DLGAP2: variants seen among roughly 807,000 people sequenced by gnomAD.
DLGAP2 encodes the protein disks large-associated protein 2.
DLGAP2 carries 26 observed loss-of-function variants against 100.3 expected under a neutral mutation model. That is an observed-to-expected ratio of 0.26 (90% CI 0.19 to 0.36). The LOEUF (loss-of-function observed/expected upper bound fraction) is 0.36. Ranked by LOEUF, DLGAP2 falls within the 10% of genes least tolerant of loss-of-function variation. DLGAP2 has a pLI of 1.00. For synonymous variants in DLGAP2, 886 were observed against 630.1 expected (o/e 1.41, Z -6.08); for missense variants, 1,858 against 1,453.2 (o/e 1.28, Z -4.53).
intron 1 of DLGAP2, among the ~76,000 whole-genome samples, chr8:830,252 A>T (rs2132700081): frequency 1.3e-5 from 2 of 152,362 alleles, no homozygotes; most frequent in Middle Eastern, 6.8e-3. Context: ...TAATCACATC[A>T]GGGTCAGTGG....
intron 2 of DLGAP2, among the ~76,000 whole-genome samples, chr8:1,248,963 G>T (rs1206480617): frequency 6.6e-6 from 1 of 152,138 alleles, no homozygotes; most frequent in African/African-American, 2.4e-5. Context: ...GGCTGTGAAG[G>T]CTGAGCTCAG....
At chr8:838,690 C>G (rs896619185) in intron 1 of DLGAP2, among the ~76,000 whole-genome samples, 1 of 152,052 alleles carries the variant, frequency 6.6e-6, no homozygotes, top group East Asian at 1.9e-4. Context: ...TGCAATTAAA[C>G]TTCTTTTACT....
At chr8:1,545,951 A>T (rs1406518130) in intron 4 of DLGAP2, among the ~76,000 whole-genome samples, 1 of 152,220 alleles carries the variant, frequency 6.6e-6, no homozygotes, top group Non-Finnish European at 1.5e-5. Flanking sequence ...ATTAAATTAC[A>T]CGTTAATGGA....
chr8:1,493,851 C>T (rs1799465021), intron 3 of DLGAP2, among the ~76,000 whole-genome samples: 1 of 152,206 alleles, frequency 6.6e-6, no homozygotes, highest in Admixed American at 6.5e-5. Flanking sequence ...CTGATTCTTC[C>T]TAGGCAGTGC....
At chr8:784,775 T>G (rs1422683443) in intron 1 of DLGAP2, among the ~76,000 whole-genome samples, 3 of 152,192 alleles carry the variant, frequency 2.0e-5, no homozygotes, top group Non-Finnish European at 4.4e-5. Flanking sequence ...TCTGTACACC[T>G]TTTGAAAAAG....
At chr8:950,553 G>A (rs527735998) in intron 2 of DLGAP2, among the ~76,000 whole-genome samples, 127 of 151,174 alleles carry the variant, frequency 8.4e-4, no homozygotes, top group Admixed American at 2.4e-3. Flanking sequence ...AACCTGACCT[G>A]TTCATCTGAC....
In DLGAP2 at chr8:1,011,626, C is replaced by G. The variant is rs1391628203; in HGVS notation, c.73+103660C>G. Among the ~76,000 whole-genome samples, 3 of 150,034 alleles carry G rather than the reference C, an allele frequency of 2.0e-5. No individual in the cohort carries two copies. In the East Asian group the frequency reaches 5.9e-4, roughly 30 times the overall value. On this transcript the variant is annotated intron_variant, in intron 2 of 14. Transcript: ENST00000637795. ...GGTTCCTCAGTCTGCACAGTGGGCC[C>G]TGGAATGAGGGGTCTCAGTCTGCAC...
chr8:807,260 C>T (rs71516112), intron 1 of DLGAP2, among the ~76,000 whole-genome samples: 89 of 148,638 alleles, frequency 6.0e-4, no homozygotes, highest in Non-Finnish European at 3.6e-4. Context: ...CTCATTCATA[C>T]GTTCTCTCTC....
chr8:1,092,961 T>C (rs1166850000), intron 2 of DLGAP2, among the ~76,000 whole-genome samples: 1 of 152,154 alleles, frequency 6.6e-6, no homozygotes, highest in Non-Finnish European at 1.5e-5. Flanking sequence ...TTGTAAGGAA[T>C]CATTTCACCG....
intron 3 of DLGAP2, among the ~76,000 whole-genome samples, chr8:1,279,484 G>C (rs910238747): frequency 1.3e-5 from 2 of 152,200 alleles, no homozygotes; most frequent in African/African-American, 4.8e-5. Context: ...ATACCAAGAA[G>C]GTGCTGCGGA....
intron 6 of DLGAP2, among the ~76,000 whole-genome samples, chr8:1,572,097 G>T (rs1302448650): frequency 7.8e-6 from 1 of 127,660 alleles, no homozygotes; most frequent in Non-Finnish European, 1.6e-5. Flanking sequence ...GGGGGCGTCT[G>T]ATGAGATGGA....
chr8:1,379,217 C>T (rs1433444325), intron 3 of DLGAP2, among the ~76,000 whole-genome samples: 3 of 152,276 alleles, frequency 2.0e-5, no homozygotes, highest in Admixed American at 6.5e-5. Context: ...CTCCTGCCTT[C>T]GCAAATTTTA....
intron 2 of DLGAP2, among the ~76,000 whole-genome samples, chr8:1,256,393 G>T (rs1563044873): frequency 7.0e-6 from 1 of 143,718 alleles, no homozygotes; most frequent in Non-Finnish European, 1.5e-5. Context: ...CTGCCTGGGT[G>T]CTGTGTGTGT....
intron 2 of DLGAP2, among the ~76,000 whole-genome samples, chr8:1,228,828 A>C (rs986265522): frequency 9.8e-5 from 15 of 152,306 alleles, no homozygotes; most frequent in South Asian, 4.1e-4. Flanking sequence ...CACCATACGT[A>C]ATGGTTAAGG....
intron 2 of DLGAP2, among the ~76,000 whole-genome samples, chr8:1,214,467 A>G (rs1443655562): frequency 2.6e-5 from 4 of 152,190 alleles, no homozygotes; most frequent in African/African-American, 9.7e-5. Flanking sequence ...AGCTATGAGT[A>G]TTACCACCAC....
intron 1 of DLGAP2, among the ~76,000 whole-genome samples, chr8:777,486 T>C (rs1489163075): frequency 6.6e-6 from 1 of 152,014 alleles, no homozygotes; most frequent in Non-Finnish European, 1.5e-5. Context: ...CAGTGGCTGG[T>C]ACCAGTTGTT....
intron 3 of DLGAP2, chr8:1,381,474 C>T (rs1289268083): frequency 6.6e-6 from 1 of 152,256 alleles, no homozygotes; most frequent in African/African-American, 2.4e-5. Flanking sequence ...ATGACCACAA[C>T]TGGGTAAATT....
intron 2 of DLGAP2, among the ~76,000 whole-genome samples, chr8:1,058,102 C>T (rs943782427): frequency 1.3e-5 from 2 of 152,152 alleles, no homozygotes; most frequent in Non-Finnish European, 2.9e-5. Flanking sequence ...GTGAGGATCA[C>T]GTGGGGTTGC....
At chr8:1,188,015 A>G (rs1259707356) in intron 2 of DLGAP2, among the ~76,000 whole-genome samples, 7 of 121,546 alleles carry the variant, frequency 5.8e-5, no homozygotes, top group Non-Finnish European at 1.1e-4. Flanking sequence ...GGAATCTCAC[A>G]CGCCCGGGAC....
Sources: gnomAD v4.1 joint callset for allele counts (sites outside exome capture counted in the v4.1 genomes callset) on GRCh38, gnomAD v4.1.1 for gene constraint, MANE v1.5 for transcripts, NCBI Gene and HGNC (gene_info 2026-07-23, HGNC 2026-07-21) for gene names.